The following SIL1 variants were observed in gnomAD, a reference collection of about 807,000 sequenced individuals.
SIL1 encodes nucleotide exchange factor SIL1.
Under a neutral mutation model 49.1 loss-of-function variants are expected in SIL1, and 40 were observed. That is an observed-to-expected ratio of 0.81 (90% CI 0.63 to 1.06). SIL1 has a LOEUF of 1.06. Ranked by LOEUF, SIL1 falls within the 50% of genes least tolerant of loss-of-function variation. SIL1 has a pLI of 0.00. For synonymous variants in SIL1, 253 were observed against 250.8 expected, an observed-to-expected ratio of 1.01 and a Z score of -0.08; for missense variants, 500 against 572.6, an observed-to-expected ratio of 0.87 and a Z score of 1.29.
At chr5:139,117,505 T>C (rs1407509905) in intron 3 of SIL1, among the ~76,000 whole-genome samples, 1 of 152,120 alleles carries the variant, frequency 6.6e-6, no homozygotes, top group Non-Finnish European at 1.5e-5. Flanking sequence ...TGACCAGCAT[T>C]CTGTAATACC....
At chr5:139,171,292 G>C in intron 1 of SIL1, among the ~76,000 whole-genome samples, 1 of 152,158 alleles carries the variant, frequency 6.6e-6, no homozygotes, top group African/African-American at 2.4e-5. Flanking sequence ...TGAGAAATCG[G>C]ATGGTTGCCG....
intron 7 of SIL1, among the ~76,000 whole-genome samples, chr5:139,002,778 A>T (rs1768015641): frequency 6.6e-6 from 1 of 152,328 alleles, no homozygotes; most frequent in South Asian, 2.1e-4. Context: ...GGCTCCTTCC[A>T]ACTGGCTTAC....
intron 1 of SIL1, among the ~76,000 whole-genome samples, chr5:139,169,414 G>A (rs954053803): frequency 2.6e-5 from 4 of 151,854 alleles, no homozygotes; most frequent in Non-Finnish European, 5.9e-5. Context: ...CAAAACACAA[G>A]GCATACAATG....
chr5:139,178,726 GTTC>G (rs1393022488), intron 1 of SIL1, among the ~76,000 whole-genome samples: 3 of 151,986 alleles, frequency 2.0e-5, no homozygotes, highest in Admixed American at 6.6e-5. Context: ...CCTCTCAGAT[GTTC>G]TTAACTCTTT....
chr5:139,036,164 C>T (rs1768906081), intron 5 of SIL1, among the ~76,000 whole-genome samples: 2 of 152,074 alleles, frequency 1.3e-5, no homozygotes, highest in African/African-American at 4.8e-5. Context: ...TTAATTAGAT[C>T]CCATTTGTTA....
chr5:139,001,082 G>C (rs774350499), intron 7 of SIL1, among the ~76,000 whole-genome samples: 11 of 142,008 alleles, frequency 7.7e-5, no homozygotes, highest in South Asian at 2.2e-4. Flanking sequence ...CTGTGTGTGT[G>C]GGGGGGGAAA....
At chr5:138,964,947 T>G (rs1767105495) in intron 7 of SIL1, among the ~76,000 whole-genome samples, 1 of 152,196 alleles carries the variant, frequency 6.6e-6, no homozygotes, top group African/African-American at 2.4e-5. Context: ...GGGCAGGGCC[T>G]GAGGGAACCC....
intron 7 of SIL1, among the ~76,000 whole-genome samples, chr5:138,993,088 C>T (rs1159548654): frequency 6.6e-6 from 1 of 152,136 alleles, no homozygotes; most frequent in Non-Finnish European, 1.5e-5. Flanking sequence ...TCTCGGCCTC[C>T]TTTGCAGGGA....
intron 1 of SIL1, among the ~76,000 whole-genome samples, chr5:139,179,984 A>AT (rs1453415194): frequency 4.6e-5 from 7 of 151,454 alleles, no homozygotes; most frequent in Admixed American, 6.6e-5. Flanking sequence ...TGACCTCAGG[A>AT]AGTCGAGGCT....
intron 3 of SIL1, among the ~76,000 whole-genome samples, chr5:139,078,753 T>C (rs1770006141): frequency 6.6e-6 from 1 of 152,264 alleles, no homozygotes; most frequent in South Asian, 2.1e-4. Flanking sequence ...TTTCACTTGA[T>C]GACTTTCAAT....
intron 7 of SIL1, among the ~76,000 whole-genome samples, chr5:138,995,035 T>C (rs1767834119): frequency 6.6e-6 from 1 of 152,212 alleles, no homozygotes; most frequent in African/African-American, 2.4e-5. Context: ...GCAAAGGACA[T>C]GATCTTGTTC....
At chr5:139,170,018 T>C (rs1045201540) in intron 1 of SIL1, among the ~76,000 whole-genome samples, 3 of 152,218 alleles carry the variant, frequency 2.0e-5, no homozygotes, top group Non-Finnish European at 4.4e-5. Context: ...AGGCGCGTGC[T>C]GCCACGCCTG....
chr5:138,986,331 C>T (rs1190437694), intron 7 of SIL1, among the ~76,000 whole-genome samples: 1 of 152,196 alleles, frequency 6.6e-6, no homozygotes, highest in East Asian at 1.9e-4. Flanking sequence ...CCAGATGTGT[C>T]TCTGAGTTTC....
chr5:139,155,459 G>A (rs1208557934), intron 1 of SIL1: 3 of 151,768 alleles, frequency 2.0e-5, no homozygotes, highest in East Asian at 3.9e-4. Flanking sequence ...GAGAGAGAGA[G>A]AGAGAGAGAG....
chr5:138,950,736 A>G (rs1467732488), intron 9 of SIL1, among the ~76,000 whole-genome samples: 3 of 152,144 alleles, frequency 2.0e-5, no homozygotes, highest in Admixed American at 6.5e-5. Flanking sequence ...AAGGGCAGCC[A>G]CTCTGAGGCC....
chr5:138,991,961 C>T (rs1165939285), intron 7 of SIL1, among the ~76,000 whole-genome samples: 1 of 152,222 alleles, frequency 6.6e-6, no homozygotes, highest in African/African-American at 2.4e-5. Context: ...GGTCAGAGCT[C>T]TCTTTCAGGT....
intron 1 of SIL1, among the ~76,000 whole-genome samples, chr5:139,135,099 C>T (rs1025924733): frequency 1.3e-5 from 2 of 152,152 alleles, no homozygotes; most frequent in Admixed American, 1.3e-4. Context: ...AAGCTTTTCC[C>T]GCCTGAGACA....
At position 139,083,321 on chromosome 5, in the gene SIL1, C is replaced by A. The variant is rs373993589; in HGVS notation, c.245-32275G>T. Among the ~76,000 whole-genome samples, 13 of 152,094 alleles carry A rather than the reference C, an allele frequency of 8.5e-5. No homozygotes were observed. In the East Asian group the frequency reaches 2.3e-3, roughly 27 times the overall value. On this transcript the variant is annotated intron_variant, in intron 3 of 9. Transcript: ENST00000394817. ...AAAAATCAAATGTGTTCCTATTTCT[C>A]CACATCCTCTCCAGCACCTGTTGTT...
At chr5:139,069,849 G>A (rs1378636035) in intron 3 of SIL1, among the ~76,000 whole-genome samples, 1 of 152,158 alleles carries the variant, frequency 6.6e-6, no homozygotes, top group Non-Finnish European at 1.5e-5. Flanking sequence ...AGAAGATGAA[G>A]TACTCAAAGA....
Sources: allele counts gnomAD v4.1 joint callset (sites outside exome capture counted in the v4.1 genomes callset), GRCh38; gene constraint gnomAD v4.1.1; transcripts MANE v1.5; gene names NCBI Gene and HGNC (gene_info 2026-07-23, HGNC 2026-07-21).